Variants in DNMBP observed in about 807,000 individuals in gnomAD.
DNMBP encodes the protein dynamin binding protein, also known as dynamin-binding protein.
DNMBP carries 87 observed loss-of-function variants against 150.0 expected under a neutral mutation model. That is an observed-to-expected ratio of 0.58 (90% CI 0.49 to 0.69). The LOEUF (loss-of-function observed/expected upper bound fraction) is 0.69. Among genes scored for constraint, DNMBP ranks in the 30% least tolerant of loss-of-function variants. DNMBP has a pLI of 0.00. For missense variants in DNMBP, 1,774 were observed against 1,949.0 expected, an observed-to-expected ratio of 0.91 and a Z score of 1.69; for synonymous variants, 711 against 750.4, an observed-to-expected ratio of 0.95 and a Z score of 0.86.
At chr10:99,941,403 GC>G (rs762102775) in intron 4 of DNMBP, among the ~76,000 whole-genome samples, 2 of 151,934 alleles carry the variant, frequency 1.3e-5, no homozygotes, top group Non-Finnish European at 2.9e-5. Context: ...GTTGCTACTT[GC>G]AACTCTAATC....
chr10:99,887,756 T>C (rs1253389924), intron 12 of DNMBP, among the ~76,000 whole-genome samples: 4 of 152,220 alleles, frequency 2.6e-5, no homozygotes, highest in Non-Finnish European at 5.9e-5. Flanking sequence ...TCCAGTTTTT[T>C]CTACAAGGGA....
At position 99,884,188 on chromosome 10, in the gene DNMBP, C is replaced by T; in HGVS notation, c.3820G>A (p.Glu1274Lys). 6.2e-7 allele frequency: 1 copy of T among 1,613,468 alleles called. No individual in the cohort carries two copies. Among genetic ancestry groups the T allele is most frequent in the African/African-American group, 1.3e-5 (1 of 75,022 alleles). The change falls in exon 15 of 17, where the codon GAA becomes AAA. Residue 1274 changes from glutamate to lysine, a missense_variant. Glu to Lys is a moderately conservative substitution (Grantham distance 56). Coordinates refer to ENST00000324109, the MANE Select transcript of DNMBP (RefSeq NM_015221.4). ...LGLPSYMLQSEELRASLLARY... is the reference protein window; with the variant it reads ...LGLPSYMLQSKELRASLLARY... ...GCCAGGAGGGAGGCCCGGAGTTCTT[C>T]TGACTGTAGCATGTAACTTGGCTGA...
chr10:99,929,676 C>CAACT (rs1349219875), intron 4 of DNMBP: 1 of 702,888 alleles, frequency 1.4e-6, no homozygotes, highest in East Asian at 2.7e-5. Flanking sequence ...GCGGCGGAGG[C>CAACT]AACTATTCCT....
At chr10:99,924,176 A>C (rs1374174037) in intron 4 of DNMBP, among the ~76,000 whole-genome samples, 1 of 151,756 alleles carries the variant, frequency 6.6e-6, no homozygotes, top group Non-Finnish European at 1.5e-5. Context: ...GGTAGCTCAC[A>C]CCTGTAATCC....
rs1473689030 is a variant in DNMBP at position 99,900,024 on chromosome 10, T to C, written c.2597A>G (p.Tyr866Cys). The C allele has an allele frequency of 1.9e-6, 3 of 1,614,046 alleles. No homozygotes were observed. Among genetic ancestry groups the C allele is most frequent in the Non-Finnish European group, 1.7e-6 (2 of 1,180,034 alleles). Residue 866 changes from tyrosine to cysteine, a missense_variant, in exon 7 of 17, where the codon TAC becomes TGC. Transcript: ENST00000324109. ...ATCATGATTCTGGCAGTAAATCTTG[T>C]ATGTTCCCTCAAGCTCATCCCGGTG... Reference protein sequence around the residue: ...LGHRDELEGTYKIYCQNHDEA... With the variant: ...LGHRDELEGTCKIYCQNHDEA...
At chr10:99,973,751 G>A (rs542967305) in intron 1 of DNMBP, among the ~76,000 whole-genome samples, 2 of 152,340 alleles carry the variant, frequency 1.3e-5, no homozygotes, top group African/African-American at 4.8e-5. Flanking sequence ...AGGCCAAGGC[G>A]GGCAGATCAC....
chr10:99,894,140 G>A (rs2039617443), intron 11 of DNMBP, among the ~76,000 whole-genome samples: 2 of 152,108 alleles, frequency 1.3e-5, no homozygotes, highest in Admixed American at 6.6e-5. Flanking sequence ...TTAGCCAGGT[G>A]TGGTGGTGTG....
rs530337007 is a variant in DNMBP at position 99,979,071 on chromosome 10, T to C, written c.-10-6937A>G. Among the ~76,000 whole-genome samples the C allele has an allele frequency of 1.4e-3, 220 of 152,268 alleles. 4 individuals carry two copies. In the South Asian group the frequency reaches 0.038, roughly 26 times the overall value. On this transcript the variant is annotated intron_variant, in intron 1 of 16. Coordinates refer to ENST00000324109, the MANE Select transcript of DNMBP (RefSeq NM_015221.4). ...GATGAGAATTTACAGGTCCTCCTATTTTCTATAATTCATACATTCAATGAA... is the reference window on the plus strand; with the variant it reads ...GATGAGAATTTACAGGTCCTCCTATCTTCTATAATTCATACATTCAATGAA...
intron 11 of DNMBP, among the ~76,000 whole-genome samples, chr10:99,891,825 GCCCC>G: frequency 4.7e-5 from 7 of 147,606 alleles, no homozygotes; most frequent in African/African-American, 1.8e-4. Context: ...CTGCCCCGCC[GCCCC>G]ATCTGGGATG....
chr10:99,969,042 G>C (rs1345565921), intron 3 of DNMBP, 73 bp downstream of exon 3: 2 of 1,580,000 alleles, frequency 1.3e-6, no homozygotes, highest in Non-Finnish European at 8.7e-7. Flanking sequence ...AATTCAAAAA[G>C]GATCTGGTTG....
At chr10:99,949,991 C>T (rs2040400262) in intron 4 of DNMBP, among the ~76,000 whole-genome samples, 1 of 152,148 alleles carries the variant, frequency 6.6e-6, no homozygotes, top group Admixed American at 6.5e-5. Flanking sequence ...GTCTTTTATT[C>T]TCCCACCTAT....
intron 4 of DNMBP, among the ~76,000 whole-genome samples, chr10:99,915,308 T>C (rs1052113359): frequency 6.6e-5 from 10 of 151,574 alleles, no homozygotes; most frequent in African/African-American, 2.4e-4. Context: ...TCCCAGAGTT[T>C]GTCTCAGGGA....
At position 99,947,414 on chromosome 10, in the gene DNMBP, C is replaced by T. The variant is rs1447046145; in HGVS notation, c.2260+7800G>A. ...AATGAAATCATGTCCTTTGCAGCAACATGGATGCAGCTGGAGGCCAGTATC... is the reference window on the plus strand; with the variant it reads ...AATGAAATCATGTCCTTTGCAGCAATATGGATGCAGCTGGAGGCCAGTATC... On this transcript the variant is annotated intron_variant, in intron 4 of 16. Transcript: ENST00000324109. Among the ~76,000 whole-genome samples the T allele has an allele frequency of 3.3e-5, 5 of 152,200 alleles. No homozygotes were observed. In the East Asian group the frequency reaches 7.7e-4, roughly 23 times the overall value.
At chr10:99,897,997 G>A in intron 9 of DNMBP, 89 bp downstream of exon 9, 2 of 1,151,654 alleles carry the variant, frequency 1.7e-6, no homozygotes, top group Non-Finnish European at 2.6e-6. Flanking sequence ...CACCTGCCTT[G>A]TCCAACTCTA....
intron 1 of DNMBP, among the ~76,000 whole-genome samples, chr10:99,973,668 C>A (rs185429276): frequency 2.7e-4 from 41 of 152,278 alleles, no homozygotes; most frequent in African/African-American, 9.4e-4. Flanking sequence ...CAGAACTATG[C>A]CTCAAAGGCC....
chr10:99,904,666 G>C (rs1169318486), intron 6 of DNMBP, among the ~76,000 whole-genome samples: 4 of 152,252 alleles, frequency 2.6e-5, no homozygotes, highest in African/African-American at 9.6e-5. Context: ...CTTGCGCCTA[G>C]GTCTCAGCCT....
At chr10:99,982,333 A>G (rs1250977416) in intron 1 of DNMBP, among the ~76,000 whole-genome samples, 1 of 152,002 alleles carries the variant, frequency 6.6e-6, no homozygotes, top group Non-Finnish European at 1.5e-5. Flanking sequence ...AGTCCCAGCT[A>G]CTGGGGAGGC....
chr10:99,956,496 A>G lies in DNMBP; in HGVS notation c.978T>C (p.Asp326=), dbSNP rs931133619. The G allele has an allele frequency of 2.5e-6, 4 of 1,613,960 alleles. No homozygotes were observed. The highest frequency in any genetic ancestry group is 2.7e-5 in the African/African-American group (2 of 74,864). The change falls in exon 4 of 17, where the codon GAT becomes GAC. Residue 326 remains aspartate, a synonymous_variant. Coordinates refer to ENST00000324109, the MANE Select transcript of DNMBP (RefSeq NM_015221.4). ...SLARIPETSL[D]CLENTLGVEE... ...CTACTCCTAAGGTGTTCTCCAAACA[A>G]TCCAAAGAAGTTTCCGGGATCCTGG...
In DNMBP at chr10:99,964,776, C is replaced by A. The variant is rs530593052; in HGVS notation, c.268+4339G>T. On this transcript the variant is annotated intron_variant, in intron 3 of 16. Transcript: ENST00000324109. ...ATCCCAGCTATTCGGGAGGCTAAGGCATGAATATCACTTGAACCAACGAGG... is the reference window on the plus strand; with the variant it reads ...ATCCCAGCTATTCGGGAGGCTAAGGAATGAATATCACTTGAACCAACGAGG... Among the ~76,000 whole-genome samples the A allele has an allele frequency of 2.0e-5, 3 of 151,512 alleles. No homozygotes were observed. In the South Asian group the frequency reaches 6.2e-4, roughly 31 times the overall value.
Sources: gnomAD v4.1 joint callset for allele counts (sites outside exome capture counted in the v4.1 genomes callset) on GRCh38, gnomAD v4.1.1 for gene constraint, MANE v1.5 for transcripts, NCBI Gene and HGNC (gene_info 2026-07-23, HGNC 2026-07-21) for gene names.